Variants in DNAAF3 observed in about 807,000 individuals in gnomAD.
The protein encoded by DNAAF3 is dynein axonemal assembly factor 3, also known as UPF0470 protein C19orf51.
DNAAF3 carries 40 observed loss-of-function variants against 50.9 expected under a neutral mutation model. That is an observed-to-expected ratio of 0.79 (90% CI 0.61 to 1.02). DNAAF3 has a LOEUF of 1.02. Ranked by LOEUF, DNAAF3 falls within the 50% of genes least tolerant of loss-of-function variation. The pLI, the probability that DNAAF3 is intolerant of heterozygous loss-of-function variation, is 0.00. For synonymous variants in DNAAF3, 327 were observed against 322.8 expected (o/e 1.01, Z -0.14); for missense variants, 763 against 744.7 (o/e 1.02, Z -0.29).
chr19:55,162,715 TATG>T, intron 4 of DNAAF3: 2 of 973,524 alleles, frequency 2.1e-6, no homozygotes, highest in Non-Finnish European at 2.4e-6. Context: ...AATTGTAAAA[TATG>T]GTGTAAGCAT....
In DNAAF3 at chr19:55,159,266, C is replaced by T. The variant is rs755385476; in HGVS notation, c.1422G>A (p.Pro474=). 1.6e-4 allele frequency: 251 copies of T among 1,613,894 alleles called. No individual in the cohort carries two copies. The highest frequency in any genetic ancestry group is 2.0e-4 in the Non-Finnish European group (240 of 1,180,044). The change falls in exon 12 of 12, where the codon CCG becomes CCA. Residue 474 remains proline (P), a synonymous_variant. Transcript: ENST00000524407. Reference sequence around the variant, plus strand: ...GAGGCTGGGCCAGGATGTCAAGGGGCGGAGTTCCGGGTTCCACAGCTGGGA... The same window carrying T: ...GAGGCTGGGCCAGGATGTCAAGGGGTGGAGTTCCGGGTTCCACAGCTGGGA... ...NTVPAVEPGT[P]PLDILAQPLE... is the part of the protein sequence containing the mutation.
Position 55,158,941 on chromosome 19 carries a change from T to C in DNAAF3, c.*121A>G. ...CTCCCGGGGTGGGGGTGGCGGGTACTGAGTGGGAATGATTAGAATAAAATT... is the reference window on the plus strand; with the variant it reads ...CTCCCGGGGTGGGGGTGGCGGGTACCGAGTGGGAATGATTAGAATAAAATT... On this transcript the variant is annotated 3_prime_UTR_variant, in exon 12 of 12. Transcript: ENST00000524407. 1 of 1,167,888 alleles carries C rather than the reference T, an allele frequency of 8.6e-7. No homozygotes were observed. The highest frequency in any genetic ancestry group is 1.2e-6 in the Non-Finnish European group (1 of 846,766). The allele number at this position is 1,167,888 out of a possible 1,614,324, so 72.3% of individuals were successfully genotyped here. A position where few individuals can be genotyped will look rare whatever the true frequency, so the allele number is the denominator to read the frequency against.
intron 4 of DNAAF3, chr19:55,162,819 G>T: frequency 4.7e-6 from 2 of 428,040 alleles, no homozygotes; most frequent in Non-Finnish European, 3.1e-6. Context: ...CATCTTTTTT[G>T]TTTTGAGACA....
intron 4 of DNAAF3, chr19:55,162,573 G>T: frequency 1.0e-6 from 1 of 965,834 alleles, no homozygotes; most frequent in Non-Finnish European, 1.3e-6. Flanking sequence ...GCAACAGAGT[G>T]AGACTCCGCC....
In DNAAF3 at chr19:55,161,049, C is replaced by T; in HGVS notation, c.912+16G>A. The T allele has an allele frequency of 6.5e-7, 1 of 1,535,362 alleles. No individual in the cohort carries two copies. Among genetic ancestry groups the T allele is most frequent in the Non-Finnish European group, 8.7e-7 (1 of 1,143,084 alleles). On this transcript the variant is annotated intron_variant, in intron 8 of 11. Transcript: ENST00000524407. This position sits in a 1 kb window ranked among gnomAD's most constrained non-coding sequence, Gnocchi z 6.4. ...CCAGCCCCACCTCTACCCCCAGTCC[C>T]AGCCTCGCCGCGCACCTTGACTGGC...
At chr19:55,162,684 A>T in intron 4 of DNAAF3, 1 of 989,912 alleles carries the variant, frequency 1.0e-6, no homozygotes, top group Non-Finnish European at 1.2e-6. Context: ...AGATAACAAC[A>T]CAACAGTAAA....
At chr19:55,163,199 C>T (rs2085873721) in intron 4 of DNAAF3, among the ~76,000 whole-genome samples, 2 of 151,396 alleles carry the variant, frequency 1.3e-5, no homozygotes, top group South Asian at 2.1e-4. Flanking sequence ...TTAGTAGAGA[C>T]GGGGTTTCAC....
chr19:55,159,899 C>G lies in DNAAF3; in HGVS notation c.1163G>C (p.Gly388Ala). 6.2e-7 allele frequency: 1 copy of G among 1,613,816 alleles called. No homozygotes were observed. The highest frequency in any genetic ancestry group is 8.5e-7 in the Non-Finnish European group (1 of 1,179,874). Residue 388 changes from glycine (G) to alanine (A), a missense_variant and splice_region_variant, in exon 10 of 12, where the codon GGT (glycine) becomes GCT (alanine). By Grantham distance (60) the Gly-to-Ala change is moderately conservative (BLOSUM62 0). Coordinates refer to ENST00000524407, the MANE Select transcript of DNAAF3 (RefSeq NM_001256715.2). ...TGAGCACAGCTGCCTCCCCGCTTAC[C>G]CACAGGCCACATAGAGGAGCTGGAA... ...GRFQLLYVAC[G>A]MVHLLIPELG...
At position 55,166,408 on chromosome 19, in the gene DNAAF3, G is replaced by A. The variant is rs150362958; in HGVS notation, c.6C>T (p.Thr2=). 0.012 allele frequency: 19,062 copies of A among 1,613,794 alleles called. 131 individuals are homozygous for A. The highest frequency in any genetic ancestry group is 0.015 in the Non-Finnish European group (17,170 of 1,179,882). M[T]TPAGSGSGFG... is the part of the protein sequence containing the mutation. ...AGCCGCTGCCGGAGCCGGCAGGTGT[G>A]GTCATCACCCTGCGGAAAAGACATT... Residue 2 remains threonine, a synonymous_variant, in exon 2 of 12, where the codon ACC becomes ACT. Transcript: ENST00000524407. This position sits in a 1 kb window ranked among gnomAD's most constrained non-coding sequence, Gnocchi z 4.0.
chr19:55,159,535 G>A lies in DNAAF3; in HGVS notation c.1236C>T (p.Ala412=), dbSNP rs1212014048. ...APGGNLIVEL[A]RYLVDVRQEQ... is the part of the protein sequence containing the mutation. ...CACCCTCCACCCCACTGACTCACCG[G>A]GCTAATTCCACAATCAAGTTCCCTC... Residue 412 remains alanine (A), a splice_region_variant and synonymous_variant, in exon 11 of 12, where the codon GCC becomes GCT. Transcript: ENST00000524407. The A allele has an allele frequency of 6.3e-7, 1 of 1,598,072 alleles. No individual in the cohort carries two copies. The highest frequency in any genetic ancestry group is 1.3e-5 in the African/African-American group (1 of 74,794).
rs774912677 is a variant in DNAAF3, at chr19:55,161,379, C to A, written c.703G>T (p.Asp235Tyr). The A allele has an allele frequency of 6.2e-7, 1 of 1,606,746 alleles. No individual in the cohort carries two copies. Among genetic ancestry groups the A allele is most frequent in the African/African-American group, 1.4e-5 (1 of 73,966 alleles). ...IHPQEFRRWR[D>Y]TGVAFELRDS... The stretch of plus-strand genomic sequence containing the variant: ...CTGAGTTCAAAGGCGACGCCTGTGT[C>A]CCGCCAGCGTCGGAACTCCTGGGGG... The change falls in exon 7 of 12, where the codon GAC becomes TAC. Residue 235 changes from aspartate (D) to tyrosine (Y), a missense_variant. By Grantham distance (160) the Asp-to-Tyr change is radical (BLOSUM62 -3). Transcript: ENST00000524407. This position sits in a 1 kb window ranked among gnomAD's most constrained non-coding sequence, Gnocchi z 6.4.
In DNAAF3 at chr19:55,166,077, A is replaced by G; in HGVS notation, c.86-77T>C. On this transcript the variant is annotated intron_variant, in intron 2 of 11. Transcript: ENST00000524407. This position sits in a 1 kb window ranked among gnomAD's most constrained non-coding sequence, Gnocchi z 4.0. ...CCGTAGCATCCCCTATAAAAAATGG[A>G]CTACAAATCCCAGTAGGCGTTCCGC... is the stretch of plus-strand genomic sequence containing the variant. 1 of 1,610,884 alleles carries G rather than the reference A, an allele frequency of 6.2e-7. No homozygotes were observed. Among genetic ancestry groups the G allele is most frequent in the Non-Finnish European group, 8.5e-7 (1 of 1,178,674 alleles).
At position 55,159,206 on chromosome 19, in the gene DNAAF3, G is replaced by A; in HGVS notation, c.1482C>T (p.Thr494=). The change falls in exon 12 of 12, where the codon ACC becomes ACT. Residue 494 remains threonine, a synonymous_variant. Coordinates refer to ENST00000524407, the MANE Select transcript of DNAAF3 (RefSeq NM_001256715.2). ...EASNPALEGL[T]QPLQGGTPHC... ...GTGGGGTCCCACCCTGCAGAGGCTGGGTCAGGCCCTCAAGGGCTGGGTTGC... is the reference window on the plus strand; with the variant it reads ...GTGGGGTCCCACCCTGCAGAGGCTGAGTCAGGCCCTCAAGGGCTGGGTTGC... The A allele has an allele frequency of 6.2e-7, 1 of 1,613,906 alleles. No individual in the cohort carries two copies. The highest frequency in any genetic ancestry group is 8.5e-7 in the Non-Finnish European group (1 of 1,180,024).
At position 55,165,914 on chromosome 19, in the gene DNAAF3, G is replaced by T. The variant is rs1205985038; in HGVS notation, c.172C>A (p.Arg58=). ...CGGGACAGGGTCCGCAGCAGGTGCCGTCCATCCACAGAGCCCAGAAGCAGC... is the reference window on the plus strand; with the variant it reads ...CGGGACAGGGTCCGCAGCAGGTGCCTTCCATCCACAGAGCCCAGAAGCAGC... ...DVLLLGSVDG[R]HLLRTLSRAK... Residue 58 remains arginine (R), a synonymous_variant, in exon 3 of 12, where the codon CGG becomes AGG. Coordinates refer to ENST00000524407, the MANE Select transcript of DNAAF3 (RefSeq NM_001256715.2). 3 of 1,614,044 alleles carry T rather than the reference G, an allele frequency of 1.9e-6. No homozygotes were observed. The East Asian group carries it at 6.7e-5, about 36-fold the overall frequency.
intron 5 of DNAAF3, 94 bp downstream of exon 5, chr19:55,162,039 C>T: frequency 4.5e-6 from 6 of 1,331,440 alleles, no homozygotes; most frequent in Non-Finnish European, 5.7e-6. Context: ...ACCCCCTAGC[C>T]CGCCGCCTGC....
rs796864871 is a variant in DNAAF3 at position 55,162,124 on chromosome 19, C to A, written c.480+9G>T. ...CACCCGATCCCAGATGGAGGCCGGG[C>A]GGCGGCACCTTGAGGGCGCGGAGGC... On this transcript the variant is annotated intron_variant, in intron 5 of 11. Transcript: ENST00000524407. 1.8e-5 allele frequency: 23 copies of A among 1,245,666 alleles called. No individual in the cohort carries two copies. The African/African-American group carries it at 2.6e-4, about 14-fold the overall frequency. The allele number at this position is 1,245,666 out of a possible 1,614,324, so 77.2% of individuals were successfully genotyped here. A position where few individuals can be genotyped will look rare whatever the true frequency, so the allele number is the denominator to read the frequency against.
chr19:55,162,208 G>A lies in DNAAF3; in HGVS notation c.405C>T (p.Asp135=), dbSNP rs2085849486. 2.4e-6 allele frequency: 3 copies of A among 1,253,622 alleles called. No homozygotes were observed. The highest frequency in any genetic ancestry group is 1.0e-6 in the Non-Finnish European group (1 of 990,866). 77.7% of individuals were successfully genotyped at this position (1,253,622 alleles called of 1,614,324 possible). The change falls in exon 5 of 12, where the codon GAC becomes GAT. Residue 135 remains aspartate, a synonymous_variant. Transcript: ENST00000524407. ...GCTCGGGGACCAGGTGCGCCAGCAG[G>A]TCGGCCTGGGCACGCACGAAGGCGG... ...PVAAFVRAQA[D]LLAHLVPEPD...
At position 55,158,935 on chromosome 19, in the gene DNAAF3, G is replaced by A. The variant is rs530765673; in HGVS notation, c.*127C>T. 5.7e-5 allele frequency: 60 copies of A among 1,049,256 alleles called. No homozygotes were observed. The highest frequency in any genetic ancestry group is 3.1e-4 in the Middle Eastern group (1 of 3,202). 65.0% of individuals were successfully genotyped at this position (1,049,256 alleles called of 1,614,324 possible). A position where few individuals can be genotyped will look rare whatever the true frequency, so the allele number is the denominator to read the frequency against. On this transcript the variant is annotated 3_prime_UTR_variant, in exon 12 of 12. Coordinates refer to ENST00000524407, the MANE Select transcript of DNAAF3 (RefSeq NM_001256715.2). ...CCAACACTCCCGGGGTGGGGGTGGC[G>A]GGTACTGAGTGGGAATGATTAGAAT...
Position 55,159,590 on chromosome 19 carries a change from A to G in DNAAF3, c.1181T>C (p.Ile394Thr), listed in dbSNP as rs1292832136. 2 of 1,611,314 alleles carry G rather than the reference A, an allele frequency of 1.2e-6. No individual in the cohort carries two copies. The highest frequency in any genetic ancestry group is 1.7e-6 in the Non-Finnish European group (2 of 1,178,792). ...TGCCACACAGGCCCCAAGCTCAGGGATGAGAAGATGGACCATACTGCAGAG... is the reference window on the plus strand; with the variant it reads ...TGCCACACAGGCCCCAAGCTCAGGGGTGAGAAGATGGACCATACTGCAGAG... ...YVACGMVHLL[I>T]PELGACVAPG... is the part of the protein sequence containing the mutation. Residue 394 changes from isoleucine to threonine, a missense_variant, in exon 11 of 12, where the codon ATC becomes ACC. Physicochemically the swap from Ile to Thr is moderately conservative, Grantham distance 89 (BLOSUM62 -1). Coordinates refer to ENST00000524407, the MANE Select transcript of DNAAF3 (RefSeq NM_001256715.2).
Sources: allele counts gnomAD v4.1 joint callset (sites outside exome capture counted in the v4.1 genomes callset), GRCh38; gene constraint gnomAD v4.1.1; non-coding constraint Gnocchi (gnomAD v3.1); transcripts MANE v1.5; gene names NCBI Gene and HGNC (gene_info 2026-07-23, HGNC 2026-07-21).